TRPM6: variants seen among roughly 807,000 people sequenced by gnomAD.
TRPM6 encodes channel kinase 2.
Under a neutral mutation model 247.6 loss-of-function variants are expected in TRPM6, and 111 were observed. The observed-to-expected ratio is 0.45, with a 90% CI of 0.38 to 0.52. The LOEUF (loss-of-function observed/expected upper bound fraction) is 0.52, where lower values mean the gene tolerates loss of function less well. Ranked by LOEUF, TRPM6 falls within the 20% of genes least tolerant of loss-of-function variation. TRPM6 has a pLI of 0.00. For synonymous variants in TRPM6, 892 were observed against 853.8 expected, an observed-to-expected ratio of 1.04 and a Z score of -0.78; for missense variants, 2,126 against 2,421.5, an observed-to-expected ratio of 0.88 and a Z score of 2.56.
At chr9:74,757,275 G>A (rs554602328) in intron 27 of TRPM6, among the ~76,000 whole-genome samples, 1 of 151,662 alleles carries the variant, frequency 6.6e-6, no homozygotes, top group South Asian at 2.1e-4. Flanking sequence ...ATAAGAGCAA[G>A]CATGAATGAA....
intron 1 of TRPM6, among the ~76,000 whole-genome samples, chr9:74,873,504 G>A (rs1263779592): frequency 2.0e-5 from 3 of 152,268 alleles, no homozygotes; most frequent in Middle Eastern, 3.4e-3. Context: ...AAGCACATAC[G>A]AGAATTATGA....
chr9:74,824,765 G>A (rs1470171826), intron 7 of TRPM6, among the ~76,000 whole-genome samples: 4 of 152,118 alleles, frequency 2.6e-5, no homozygotes, highest in Non-Finnish European at 5.9e-5. Context: ...AGGCATCAGA[G>A]CCTATGTTTC....
intron 27 of TRPM6, 81 bp from the exon 28 acceptor site, chr9:74,755,554 GA>G: frequency 1.9e-6 from 3 of 1,558,846 alleles, no homozygotes; most frequent in Non-Finnish European, 1.8e-6. Flanking sequence ...GCACCATGGT[GA>G]AGGGCAGTGT....
intron 27 of TRPM6, among the ~76,000 whole-genome samples, chr9:74,758,352 T>C (rs1298154670): frequency 6.6e-6 from 1 of 152,022 alleles, no homozygotes; most frequent in Non-Finnish European, 1.5e-5. Context: ...CAACTATCCC[T>C]CAATAATTCT....
chr9:74,734,651 T>G (rs1206899412), intron 36 of TRPM6, among the ~76,000 whole-genome samples: 1 of 152,232 alleles, frequency 6.6e-6, no homozygotes, highest in Non-Finnish European at 1.5e-5. Context: ...GAAAAAATGT[T>G]CAGTTACTTG....
chr9:74,813,687 AC>A (rs531253256), intron 11 of TRPM6, among the ~76,000 whole-genome samples: 12 of 152,356 alleles, frequency 7.9e-5, no homozygotes, highest in African/African-American at 2.9e-4. Flanking sequence ...CTACACTTAA[AC>A]AAAAAGACCA....
intron 32 of TRPM6, among the ~76,000 whole-genome samples, chr9:74,743,567 C>T (rs1258942615): frequency 6.6e-6 from 1 of 152,198 alleles, no homozygotes; most frequent in Non-Finnish European, 1.5e-5. Flanking sequence ...CAATTATTCC[C>T]ACTTTGAAAG....
At chr9:74,842,706 G>A (rs970902598) in intron 3 of TRPM6, among the ~76,000 whole-genome samples, 10 of 152,192 alleles carry the variant, frequency 6.6e-5, no homozygotes, top group African/African-American at 2.4e-4. Context: ...ACTATTAAGT[G>A]TATTAAGTGT....
intron 6 of TRPM6, among the ~76,000 whole-genome samples, chr9:74,830,743 ATTTTTGTTTT>A (rs1829513530): frequency 9.4e-6 from 1 of 106,236 alleles, no homozygotes; most frequent in African/African-American, 3.7e-5. Flanking sequence ...TGCCCAGCTA[ATTTTTGTTTT>A]TTTTTTTTTT....
chr9:74,770,967 A>G (rs1313665764), intron 25 of TRPM6, among the ~76,000 whole-genome samples: 1 of 152,148 alleles, frequency 6.6e-6, no homozygotes, highest in Non-Finnish European at 1.5e-5. Flanking sequence ...CACCCACTTC[A>G]GTGAAGCAGC....
chr9:74,776,670 T>C (rs1827233752), intron 23 of TRPM6, among the ~76,000 whole-genome samples: 1 of 152,192 alleles, frequency 6.6e-6, no homozygotes, highest in Non-Finnish European at 1.5e-5. Context: ...AACATGGAGA[T>C]AGGATGGTGA....
chr9:74,873,448 C>G (rs1345573571), intron 1 of TRPM6, among the ~76,000 whole-genome samples: 2 of 152,164 alleles, frequency 1.3e-5, no homozygotes, highest in African/African-American at 4.8e-5. Context: ...CTTTCCTGGG[C>G]AGCACATATA....
Position 74,842,303 on chromosome 9 carries a change from C to G in TRPM6, c.193G>C (p.Asp65His), listed in dbSNP as rs772584410. The G allele has an allele frequency of 1.6e-5, 26 of 1,614,030 alleles. No homozygotes were observed. The highest frequency in any genetic ancestry group is 2.0e-5 in the Non-Finnish European group (24 of 1,180,032). The part of the protein sequence containing the change: ...GRLIGDHAGI[D>H]YSWTISAAKG... ...GCAGCTGAGATGGTCCAGGAATAAT[C>G]TATCCCAGCATGGTCTCCAATCAGT... The change falls in exon 4 of 39, where the codon GAT becomes CAT. Residue 65 changes from aspartate (D) to histidine (H), a missense_variant. By Grantham distance (81) the Asp-to-His change is moderately conservative. Transcript: ENST00000360774.
intron 1 of TRPM6, chr9:74,875,279 A>C (rs1413741446): frequency 2.2e-6 from 1 of 454,722 alleles, no homozygotes; most frequent in East Asian, 7.0e-5. Flanking sequence ...GTGGTGACTC[A>C]CGCCTGTAAT....
rs568489905 is a variant in TRPM6, at chr9:74,762,194, G to C, written c.4477C>G (p.Gln1493Glu). 1.9e-6 allele frequency: 3 copies of C among 1,614,190 alleles called. No homozygotes were observed. The highest frequency in any genetic ancestry group is 2.2e-5 in the East Asian group (1 of 44,884). ...DSSRSEQHQK[Q>E]AQDSSLSDNS... The stretch of plus-strand genomic sequence containing the variant: ...TCAGATAGGGAGCTGTCCTGGGCCT[G>C]CTTCTGGTGCTGTTCACTCCGAGAG... The change falls in exon 26 of 39, where the codon CAG (glutamine) becomes GAG (glutamate). Residue 1493 changes from glutamine (Q) to glutamate (E), a missense_variant. Physicochemically the swap from Gln to Glu is conservative, Grantham distance 29. Coordinates refer to ENST00000360774, the MANE Select transcript of TRPM6 (RefSeq NM_017662.5).
intron 1 of TRPM6, among the ~76,000 whole-genome samples, chr9:74,865,832 C>T (rs534311071): frequency 2.2e-3 from 329 of 152,230 alleles, no homozygotes; most frequent in African/African-American, 7.6e-3. Flanking sequence ...TATTCACAGG[C>T]GTGATCACAG....
Position 74,776,064 on chromosome 9 carries a change from T to C in TRPM6, c.3222A>G (p.Leu1074=). 2 of 1,613,280 alleles carry C rather than the reference T, an allele frequency of 1.2e-6. No individual in the cohort carries two copies. The highest frequency in any genetic ancestry group is 1.7e-6 in the Non-Finnish European group (2 of 1,179,298). Residue 1074 remains leucine (L), a synonymous_variant, in exon 24 of 39, where the codon TTA becomes TTG. Coordinates refer to ENST00000360774, the MANE Select transcript of TRPM6 (RefSeq NM_017662.5). Reference sequence around the variant, plus strand: ...GGTTATTTGAAATGGATTCCATATCTAAGTAAACGTTGCTGTAAGATGAAG... The same window carrying C: ...GGTTATTTGAAATGGATTCCATATCCAAGTAAACGTTGCTGTAAGATGAAG... ...LLIAFFNNVY[L]DMESISNNLW...
chr9:74,854,947 G>A (rs1213288329), intron 3 of TRPM6, among the ~76,000 whole-genome samples: 1 of 152,186 alleles, frequency 6.6e-6, no homozygotes, highest in Non-Finnish European at 1.5e-5. Context: ...CCAGAATCCT[G>A]GGATAACAGG....
chr9:74,880,849 G>C (rs1831338507), intron 1 of TRPM6, among the ~76,000 whole-genome samples: 1 of 152,092 alleles, frequency 6.6e-6, no homozygotes, highest in Non-Finnish European at 1.5e-5. Context: ...AACAATAAGA[G>C]AGAAAGAAAA....
Sources: allele counts gnomAD v4.1 joint callset (sites outside exome capture counted in the v4.1 genomes callset), GRCh38; gene constraint gnomAD v4.1.1; transcripts MANE v1.5; gene names NCBI Gene and HGNC (gene_info 2026-07-23, HGNC 2026-07-21).